Variants in ADGRF1 observed in about 807,000 individuals in gnomAD.
ADGRF1 encodes adhesion G protein-coupled receptor F1.
In ADGRF1, 85 loss-of-function variants were observed where a neutral mutation model predicts 87.2. The observed-to-expected ratio is 0.97, with a 90% CI of 0.82 to 1.17. ADGRF1 has a LOEUF of 1.17. Ranked by LOEUF, ADGRF1 falls within the 50% of genes most tolerant of loss-of-function variation. The pLI, the probability that ADGRF1 is intolerant of heterozygous loss-of-function variation, is 0.00. For synonymous variants in ADGRF1, 430 were observed against 408.8 expected (o/e 1.05, Z -0.63); for missense variants, 1,169 against 1,077.2 (o/e 1.09, Z -1.19).
rs1205151904 is a variant in ADGRF1, at chr6:46,999,904, A to T, written c.*318T>A. ...TTCAATCCAGATTATTGGAAATGCCATGTGAATAATGCTGTTTTATGAAAA... is the reference window on the plus strand; with the variant it reads ...TTCAATCCAGATTATTGGAAATGCCTTGTGAATAATGCTGTTTTATGAAAA... On this transcript the variant is annotated 3_prime_UTR_variant, in exon 15 of 15. Coordinates refer to ENST00000371253, the MANE Select transcript of ADGRF1 (RefSeq NM_153840.4). 1 of 188,748 alleles carries T rather than the reference A, an allele frequency of 5.3e-6. No individual in the cohort carries two copies. The allele number at this position is 188,748 out of a possible 1,614,324, so 11.7% of individuals were successfully genotyped here. A position where few individuals can be genotyped will look rare whatever the true frequency, so the allele number is the denominator to read the frequency against.
intron 9 of ADGRF1, chr6:47,013,620 C>T: frequency 1.0e-6 from 1 of 985,424 alleles, no homozygotes; most frequent in Non-Finnish European, 1.2e-6. Context: ...TGTCTTAATA[C>T]TTGAACCTTC....
rs1780156293 is a variant in ADGRF1, at chr6:47,024,163, C to T, written c.332G>A (p.Trp111Ter). ...GGGATCAAGGCATGAGGGAGGAAACCAGGTGTAGCTGTCTTCACAGGTACA... is the reference window on the plus strand; with the variant it reads ...GGGATCAAGGCATGAGGGAGGAAACTAGGTGTAGCTGTCTTCACAGGTACA... ...LQCTCEDSYTWFPPSCLDPQN... is the reference protein window; with the variant it reads ...LQCTCEDSYT The change falls in exon 5 of 15, where the codon TGG (tryptophan) becomes TAG (stop). Residue 111 changes from tryptophan to a stop codon, truncating the protein, a stop_gained. Transcript: ENST00000371253. LOFTEE classifies it high-confidence loss of function. 2 of 1,613,880 alleles carry T rather than the reference C, an allele frequency of 1.2e-6. No homozygotes were observed. The highest frequency in any genetic ancestry group is 2.2e-5 in the East Asian group (1 of 44,892).
At chr6:47,037,590 C>T (rs1780622882) in intron 1 of ADGRF1, among the ~76,000 whole-genome samples, 1 of 152,114 alleles carries the variant, frequency 6.6e-6, no homozygotes, top group South Asian at 2.1e-4. Context: ...TCACTGTAGC[C>T]CCATCCTGGG....
chr6:47,008,065 T>C (rs919570431), intron 11 of ADGRF1, among the ~76,000 whole-genome samples: 3 of 152,248 alleles, frequency 2.0e-5, no homozygotes, highest in African/African-American at 7.2e-5. Context: ...GTAAGTATTA[T>C]TATCTCTATT....
intron 6 of ADGRF1, among the ~76,000 whole-genome samples, chr6:47,021,005 T>C (rs1226109266): frequency 6.6e-6 from 1 of 152,202 alleles, no homozygotes; most frequent in African/African-American, 2.4e-5. Flanking sequence ...CATATACACG[T>C]ATAAAATGTA....
intron 8 of ADGRF1, among the ~76,000 whole-genome samples, chr6:47,016,285 T>C (rs1779876325): frequency 6.6e-6 from 1 of 152,194 alleles, no homozygotes. Context: ...GGATTGTGAC[T>C]TAGGAATATT....
intron 7 of ADGRF1, chr6:47,020,068 C>G (rs1052920148): frequency 1.0e-6 from 1 of 1,004,294 alleles, no homozygotes; most frequent in African/African-American, 1.7e-5. Flanking sequence ...AACCCGCAAC[C>G]CTTATCCCCA....
In ADGRF1 at chr6:47,016,725, T is replaced by C; in HGVS notation, c.655A>G (p.Ser219Gly). 3.7e-6 allele frequency: 6 copies of C among 1,605,254 alleles called. No homozygotes were observed. Among genetic ancestry groups the C allele is most frequent in the Non-Finnish European group, 5.1e-6 (6 of 1,173,214 alleles). ...VAGYEVVGSS[S>G]ASELLSAIEH... Reference sequence around the variant, plus strand: ...ATGGCTGACAGCAGTTCAGATGCACTGCTGGAGCCAACAACTTCATACCCA... The same window carrying C: ...ATGGCTGACAGCAGTTCAGATGCACCGCTGGAGCCAACAACTTCATACCCA... Residue 219 changes from serine to glycine, a missense_variant, in exon 8 of 15, where the codon AGT becomes GGT. Physicochemically the swap from Ser to Gly is moderately conservative, Grantham distance 56 (BLOSUM62 0). Coordinates refer to ENST00000371253, the MANE Select transcript of ADGRF1 (RefSeq NM_153840.4).
intron 10 of ADGRF1, among the ~76,000 whole-genome samples, 194 bp from the exon 11 acceptor site, chr6:47,010,512 C>G (rs983430731): frequency 1.3e-5 from 2 of 152,192 alleles, no homozygotes; most frequent in African/African-American, 4.8e-5. Context: ...AATCTTGGGT[C>G]AGCAGAATCA....
chr6:47,006,556 G>A (rs1343710595), intron 12 of ADGRF1, among the ~76,000 whole-genome samples: 2 of 151,922 alleles, frequency 1.3e-5, no homozygotes, highest in African/African-American at 4.8e-5. Flanking sequence ...GGTTATTGGG[G>A]AACAAGTGGT....
chr6:47,014,214 G>T, intron 9 of ADGRF1: 2 of 980,630 alleles, frequency 2.0e-6, no homozygotes, highest in South Asian at 4.7e-5. Flanking sequence ...GCCCCTTAAG[G>T]TCCATTGCAG....
intron 5 of ADGRF1, 120 bp from the exon 6 acceptor site, chr6:47,022,178 T>C (rs548586482): frequency 1.6e-6 from 1 of 607,990 alleles, no homozygotes; most frequent in Non-Finnish European, 2.8e-6. Context: ...TTCAAATTTT[T>C]TTCATAAGAA....
intron 14 of ADGRF1, among the ~76,000 whole-genome samples, chr6:47,001,153 G>C (rs553683859): frequency 6.6e-6 from 1 of 152,200 alleles, no homozygotes; most frequent in African/African-American, 2.4e-5. Flanking sequence ...TGGCACAAAG[G>C]GGTGATTCTC....
Position 47,009,797 on chromosome 6 carries a change from A to G in ADGRF1, c.1638T>C (p.Asp546=). The change falls in exon 11 of 15, where the codon GAT becomes GAC. Residue 546 remains aspartate, a synonymous_variant. Coordinates refer to ENST00000371253, the MANE Select transcript of ADGRF1 (RefSeq NM_153840.4). ...TTTCATTCACTAGGTGGCAGCCTGC[A>G]TCGTTCCACTGCAAATGACTGAAAT... ...FWDFSHLQWN[D]AGCHLVNETQ... is the part of the protein sequence containing the mutation. 1 of 1,614,176 alleles carries G rather than the reference A, an allele frequency of 6.2e-7. No homozygotes were observed. The highest frequency in any genetic ancestry group is 8.5e-7 in the Non-Finnish European group (1 of 1,180,022).
intron 13 of ADGRF1, among the ~76,000 whole-genome samples, chr6:47,002,482 C>A (rs1319715873): frequency 1.3e-5 from 2 of 152,054 alleles, no homozygotes; most frequent in African/African-American, 4.8e-5. Context: ...ACATTTAATG[C>A]TATAAACCTT....
At chr6:47,028,407 T>C (rs1348403475) in intron 2 of ADGRF1, among the ~76,000 whole-genome samples, 1 of 152,220 alleles carries the variant, frequency 6.6e-6, no homozygotes, top group Admixed American at 6.5e-5. Context: ...TTTGCCTAAG[T>C]AGCTGGAAAG....
chr6:47,014,406 A>G, intron 9 of ADGRF1: 2 of 1,133,942 alleles, frequency 1.8e-6, no homozygotes, highest in Non-Finnish European at 2.2e-6. Flanking sequence ...CATCCATCAT[A>G]GACCTCCTCA....
intron 1 of ADGRF1, among the ~76,000 whole-genome samples, chr6:47,035,731 T>C (rs1166534555): frequency 6.6e-6 from 1 of 152,214 alleles, no homozygotes; most frequent in Non-Finnish European, 1.5e-5. Context: ...TAATTTGATC[T>C]CCACCTGAGT....
chr6:47,005,328 A>G (rs916067040), intron 13 of ADGRF1, among the ~76,000 whole-genome samples: 2 of 152,200 alleles, frequency 1.3e-5, no homozygotes, highest in Non-Finnish European at 1.5e-5. Context: ...AGAATCAGTG[A>G]TAGCAGCCTA....
Sources: gnomAD v4.1 joint callset for allele counts (sites outside exome capture counted in the v4.1 genomes callset) on GRCh38, gnomAD v4.1.1 for gene constraint, MANE v1.5 for transcripts, NCBI Gene and HGNC (gene_info 2026-07-23, HGNC 2026-07-21) for gene names.